CFDP1: variants seen among roughly 807,000 people sequenced by gnomAD.
CFDP1 encodes chromatin remodeling protein CFDP1.
A neutral mutation model predicts 40.1 loss-of-function variants in CFDP1; 31 were observed. The observed-to-expected ratio is 0.77, with a 90% confidence interval of 0.58 to 1.04. The LOEUF is 1.04. Ranked by LOEUF, CFDP1 falls within the 50% of genes least tolerant of loss-of-function variation. The pLI, the probability that CFDP1 is intolerant of heterozygous loss-of-function variation, is 0.00. For synonymous variants in CFDP1, 167 were observed against 120.0 expected, an observed-to-expected ratio of 1.39 and a Z score of -2.56; for missense variants, 423 against 343.4, an observed-to-expected ratio of 1.23 and a Z score of -1.83.
In CFDP1 at chr16:75,293,864, G is replaced by A. The variant is rs1196623116; in HGVS notation, c.*88C>T. ...AAAAAGACCTTGCTGGGAAACAGAT[G>A]ATGAGAAACACTGTAAAACATTTCA... is the stretch of plus-strand genomic sequence containing the variant. On this transcript the variant is annotated 3_prime_UTR_variant, in exon 7 of 7. Coordinates refer to ENST00000283882, the MANE Select transcript of CFDP1 (RefSeq NM_006324.3). The A allele has an allele frequency of 1.9e-6, 2 of 1,057,480 alleles. No individual in the cohort carries two copies. Among genetic ancestry groups the A allele is most frequent in the East Asian group, 4.8e-5 (2 of 41,390 alleles). 65.5% of individuals were successfully genotyped at this position (1,057,480 alleles called of 1,614,324 possible).
intron 1 of CFDP1, among the ~76,000 whole-genome samples, chr16:75,421,415 C>T (rs1053483311): frequency 5.3e-5 from 8 of 151,892 alleles, no homozygotes; most frequent in Non-Finnish European, 7.4e-5. Context: ...CATACAAAAC[C>T]CCCCAAAACC....
chr16:75,425,896 C>T (rs1232951462), intron 1 of CFDP1, among the ~76,000 whole-genome samples: 7 of 150,516 alleles, frequency 4.7e-5, no homozygotes, highest in South Asian at 4.2e-4. Flanking sequence ...ATTAGCCAGG[C>T]GTGGTGGCAG....
intron 5 of CFDP1, among the ~76,000 whole-genome samples, chr16:75,336,797 G>C (rs2078490810): frequency 6.6e-6 from 1 of 152,146 alleles, no homozygotes. Context: ...TGTTATTTTA[G>C]GATTTCTACC....
At chr16:75,429,015 G>A (rs1446780454) in intron 1 of CFDP1, among the ~76,000 whole-genome samples, 3 of 107,542 alleles carry the variant, frequency 2.8e-5, no homozygotes, top group African/African-American at 8.4e-5. Flanking sequence ...CACTCCGGAG[G>A]CTGAGGTGGG....
chr16:75,334,506 G>T (rs2078471478), intron 5 of CFDP1, among the ~76,000 whole-genome samples: 1 of 150,720 alleles, frequency 6.6e-6, no homozygotes, highest in Non-Finnish European at 1.5e-5. Context: ...TCAGCTGGAG[G>T]CAGCGCAGAG....
At chr16:75,363,531 G>T (rs1209301745) in intron 5 of CFDP1, among the ~76,000 whole-genome samples, 1 of 151,968 alleles carries the variant, frequency 6.6e-6, no homozygotes, top group Non-Finnish European at 1.5e-5. Flanking sequence ...GAGTAGCTGG[G>T]ATTATAGGTG....
chr16:75,360,699 T>C (rs2078674810), intron 5 of CFDP1, among the ~76,000 whole-genome samples: 1 of 152,202 alleles, frequency 6.6e-6, no homozygotes, highest in Admixed American at 6.5e-5. Flanking sequence ...CCACACAGAA[T>C]AAGTCTTATT....
chr16:75,359,586 C>A (rs1392957053), intron 5 of CFDP1, among the ~76,000 whole-genome samples: 1 of 152,188 alleles, frequency 6.6e-6, no homozygotes, highest in East Asian at 1.9e-4. Context: ...AATCACTAAA[C>A]CAATCTTTCC....
At chr16:75,329,879 T>C (rs1379039065) in intron 5 of CFDP1, among the ~76,000 whole-genome samples, 1 of 152,176 alleles carries the variant, frequency 6.6e-6, no homozygotes, top group African/African-American at 2.4e-5. Context: ...GTAAGCATGG[T>C]TCCTGTTCTT....
chr16:75,364,170 T>C (rs1035791509), intron 5 of CFDP1, among the ~76,000 whole-genome samples: 1 of 152,124 alleles, frequency 6.6e-6, no homozygotes, highest in Non-Finnish European at 1.5e-5. Context: ...ACTATTACTT[T>C]AAGCACCTTT....
chr16:75,336,045 T>TCC (rs2078485843), intron 5 of CFDP1, among the ~76,000 whole-genome samples: 1 of 151,980 alleles, frequency 6.6e-6, no homozygotes, highest in Non-Finnish European at 1.5e-5. Context: ...AATATAAGCC[T>TCC]CCCCCAAATA....
intron 4 of CFDP1, among the ~76,000 whole-genome samples, chr16:75,409,002 C>A (rs967864158): frequency 6.6e-6 from 1 of 151,714 alleles, no homozygotes; most frequent in Non-Finnish European, 1.5e-5. Context: ...GGATTACAGA[C>A]GTGCACCACC....
rs1247754032 is a variant in CFDP1 at position 75,418,327 on chromosome 16, A to G, written c.65-3632T>C. 4.5e-4 allele frequency among the ~76,000 whole-genome samples: 55 copies of G among 121,378 alleles called. 1 individual carries two copies. In the East Asian group the frequency reaches 0.014, roughly 30 times the overall value. The allele number at this position is 121,378 out of a possible 152,430, so 79.6% of individuals were successfully genotyped here. The stretch of plus-strand genomic sequence containing the variant: ...AACCCTTTTTTTTTTTTTTTTTGAG[A>G]CGCAGTCTCGCTCTGTCGCCCAGGC... On this transcript the variant is annotated intron_variant, in intron 1 of 6. Coordinates refer to ENST00000283882, the MANE Select transcript of CFDP1 (RefSeq NM_006324.3).
At chr16:75,324,351 G>C (rs1161451007) in intron 5 of CFDP1, among the ~76,000 whole-genome samples, 1 of 152,114 alleles carries the variant, frequency 6.6e-6, no homozygotes, top group African/African-American at 2.4e-5. Flanking sequence ...ATAATGCCTG[G>C]TGCACAGCAG....
chr16:75,379,176 T>G (rs1364427375), intron 5 of CFDP1, among the ~76,000 whole-genome samples: 2 of 149,254 alleles, frequency 1.3e-5, no homozygotes, highest in Non-Finnish European at 3.0e-5. Context: ...ACTTCAAGAA[T>G]CTAGTAAAAA....
intron 5 of CFDP1, among the ~76,000 whole-genome samples, chr16:75,353,192 T>G (rs951918093): frequency 7.9e-5 from 12 of 152,280 alleles, no homozygotes; most frequent in Admixed American, 3.3e-4. Flanking sequence ...CCTTACTGGA[T>G]CCAAACAAAC....
At chr16:75,300,382 G>C (rs2078214032) in intron 6 of CFDP1, among the ~76,000 whole-genome samples, 1 of 152,094 alleles carries the variant, frequency 6.6e-6, no homozygotes, top group Admixed American at 6.6e-5. Flanking sequence ...CCGCCTCCCG[G>C]GTTCAAGCAA....
intron 5 of CFDP1, among the ~76,000 whole-genome samples, chr16:75,383,880 T>C (rs1318426718): frequency 6.6e-6 from 1 of 151,646 alleles, no homozygotes; most frequent in Non-Finnish European, 1.5e-5. Flanking sequence ...TCAGTGTTTA[T>C]AAAATCTAGA....
chr16:75,345,921 C>T (rs1407775881), intron 5 of CFDP1, among the ~76,000 whole-genome samples: 2 of 152,198 alleles, frequency 1.3e-5, no homozygotes, highest in Non-Finnish European at 2.9e-5. Context: ...TAAGCTGAGG[C>T]TGCACCAGAG....
Sources: gnomAD v4.1 joint callset for allele counts (sites outside exome capture counted in the v4.1 genomes callset) on GRCh38, gnomAD v4.1.1 for gene constraint, MANE v1.5 for transcripts, NCBI Gene and HGNC (gene_info 2026-07-23, HGNC 2026-07-21) for gene names.